Variants in C4orf50 observed in about 807,000 individuals in gnomAD.
C4orf50 encodes uncharacterized protein C4orf50.
A neutral mutation model predicts 77.2 loss-of-function variants in C4orf50; 80 were observed. The ratio of observed to expected loss-of-function variants is 1.04; its 90% confidence interval spans 0.87 to 1.25. C4orf50 has a LOEUF of 1.25. Ranked by LOEUF, C4orf50 falls within the 50% of genes most tolerant of loss-of-function variation. The pLI, the probability that C4orf50 is intolerant of heterozygous loss-of-function variation, is 0.00. For missense variants in C4orf50, 1,257 were observed against 1,152.9 expected, an observed-to-expected ratio of 1.09 and a Z score of -1.31; for synonymous variants, 532 against 465.3, an observed-to-expected ratio of 1.14 and a Z score of -1.84.
exon 32 of C4orf50, chr4:5,967,457 G>C: frequency 6.2e-7 from 1 of 1,613,812 alleles, no homozygotes; most frequent in South Asian, 1.1e-5. Context: ...CCAGGTGGTG[G>C]CTTGTCTGCA....
chr4:5,985,644 G>A (rs1434754991), intron 28 of C4orf50, among the ~76,000 whole-genome samples: 1 of 151,968 alleles, frequency 6.6e-6, no homozygotes, highest in African/African-American at 2.4e-5. Context: ...AAACAGAACA[G>A]ATGAGACAAA....
chr4:5,951,646 G>A (rs114910244), intron 7 of C4orf50, among the ~76,000 whole-genome samples: 116 of 152,196 alleles, frequency 7.6e-4, no homozygotes, highest in African/African-American at 2.7e-3. Flanking sequence ...TAAGACAGAC[G>A]GCATGAAATA....
chr4:5,971,212 C>A (rs1719888871), intron 31 of C4orf50, among the ~76,000 whole-genome samples: 1 of 152,212 alleles, frequency 6.6e-6, no homozygotes, highest in African/African-American at 2.4e-5. Context: ...CTAGCCAGAG[C>A]CCAAAGGCCC....
intron 29 of C4orf50, among the ~76,000 whole-genome samples, chr4:5,977,578 A>G (rs933366753): frequency 2.0e-5 from 3 of 150,580 alleles, no homozygotes; most frequent in Non-Finnish European, 4.4e-5. Flanking sequence ...AAGTCAAAAC[A>G]AAATTGATTT....
At position 5,973,593 on chromosome 4, in the gene C4orf50, G is replaced by C; in HGVS notation, c.4104+66C>G. ...AGGAGGGGCTGCTCCAGTCAGGCAGGGGCATGCAAGGGACGCGCCCACACT... is the reference window on the plus strand; with the variant it reads ...AGGAGGGGCTGCTCCAGTCAGGCAGCGGCATGCAAGGGACGCGCCCACACT... On this transcript the variant is annotated intron_variant, in intron 31 of 33. Coordinates refer to ENST00000531445, the Ensembl canonical transcript of C4orf50. 3 of 1,330,886 alleles carry C rather than the reference G, an allele frequency of 2.3e-6. No individual in the cohort carries two copies. The East Asian group carries it at 7.2e-5, about 32-fold the overall frequency. 82.4% of individuals were successfully genotyped at this position (1,330,886 alleles called of 1,614,324 possible).
chr4:5,936,630 C>T (rs1718031440), intron 7 of C4orf50, among the ~76,000 whole-genome samples: 2 of 118,506 alleles, frequency 1.7e-5, no homozygotes, highest in South Asian at 5.1e-4. Context: ...AGGTTATGAG[C>T]CACAGAGGAA....
intron 27 of C4orf50, among the ~76,000 whole-genome samples, chr4:5,991,225 G>A (rs1721266465): frequency 6.6e-6 from 1 of 152,096 alleles, no homozygotes; most frequent in Non-Finnish European, 1.5e-5. Context: ...GCCCTGCCCT[G>A]TCCAATCCAC....
rs73071532 is a variant in C4orf50, at chr4:6,015,285, G to A, written c.287+2860C>T. Among the ~76,000 whole-genome samples, 1,927 of 152,168 alleles carry A rather than the reference G, an allele frequency of 0.013. 47 individuals carry two copies. Among genetic ancestry groups the A allele is most frequent in the African/African-American group, 0.044 (1,820 of 41,492 alleles). On this transcript the variant is annotated intron_variant, in intron 23 of 33. Transcript: ENST00000531445. This position sits in a 1 kb window ranked among gnomAD's most constrained non-coding sequence, Gnocchi z 4.4. ...ATGAGCGTGGGCCCAGATCCAATCCGACTGGGGTCCTTGTAAGAGGAGGAG... is the reference window on the plus strand; with the variant it reads ...ATGAGCGTGGGCCCAGATCCAATCCAACTGGGGTCCTTGTAAGAGGAGGAG...
chr4:5,903,446 T>C (rs1235071467), intron 7 of C4orf50: 1 of 152,156 alleles, frequency 6.6e-6, no homozygotes, highest in African/African-American at 2.4e-5. Flanking sequence ...CATCCACACA[T>C]TGGAATATTA....
chr4:5,943,841 C>A (rs1011187593), intron 7 of C4orf50, among the ~76,000 whole-genome samples: 12 of 152,204 alleles, frequency 7.9e-5, no homozygotes, highest in African/African-American at 2.2e-4. Context: ...CGGACTTCAT[C>A]TTATTTCCTT....
chr4:5,938,663 T>C (rs1718134007), intron 7 of C4orf50, among the ~76,000 whole-genome samples: 1 of 152,212 alleles, frequency 6.6e-6, no homozygotes, highest in African/African-American at 2.4e-5. Context: ...AGATAACCTT[T>C]TTTATATTTA....
Position 6,007,988 on chromosome 4 carries a change from C to A in C4orf50, c.963+8G>T. The A allele has an allele frequency of 2.5e-6, 1 of 399,134 alleles. No homozygotes were observed. Among genetic ancestry groups the A allele is most frequent in the East Asian group, 3.6e-5 (1 of 28,064 alleles). The allele number at this position is 399,134 out of a possible 1,614,324, so 24.7% of individuals were successfully genotyped here. ...AGATCATTCCTACCCTGAGTTCCCG[C>A]CACTTACCAGGCTGCAGTGACCAAT... On this transcript the variant is annotated splice_region_variant and intron_variant, in intron 25 of 33. Transcript: ENST00000531445. This position sits in a 1 kb window ranked among gnomAD's most constrained non-coding sequence, Gnocchi z 4.1.
At chr4:5,969,906 C>T (rs565441860) in intron 31 of C4orf50, among the ~76,000 whole-genome samples, 199 of 152,160 alleles carry the variant, frequency 1.3e-3, no homozygotes, top group African/African-American at 4.5e-3. Flanking sequence ...CGGGACCTTC[C>T]ATCTGTGGAG....
chr4:5,994,467 C>T (rs1441415409), exon 26 of C4orf50: 1 of 399,276 alleles, frequency 2.5e-6, no homozygotes, highest in Non-Finnish European at 4.4e-6. Context: ...TGAACACAGC[C>T]CAGAGCATCC....
chr4:5,980,425 T>G, intron 28 of C4orf50, 87 bp from the exon 7 acceptor site: 1 of 1,217,484 alleles, frequency 8.2e-7, no homozygotes, highest in Non-Finnish European at 1.1e-6. Flanking sequence ...GTTTCCCCAC[T>G]CCGTAGTTTT....
Position 5,970,209 on chromosome 4 carries a change from G to A in C4orf50, c.4105-2747C>T, listed in dbSNP as rs1232152243. ...GGGGGCATAGAGAGGAAGCAAAACA[G>A]GCCCAGGAAGGTGCCCTGAGCCCTG... On this transcript the variant is annotated intron_variant, in intron 31 of 33. Transcript: ENST00000531445. This position sits in a 1 kb window ranked among gnomAD's most constrained non-coding sequence, Gnocchi z 4.3. Among the ~76,000 whole-genome samples the A allele has an allele frequency of 6.6e-6, 1 of 151,696 alleles. No homozygotes were observed. The highest frequency in any genetic ancestry group is 2.4e-5 in the African/African-American group (1 of 41,234).
At chr4:5,902,275 A>C (rs1305419077) in intron 7 of C4orf50, 1 of 152,196 alleles carries the variant, frequency 6.6e-6, no homozygotes, top group African/African-American at 2.4e-5. Flanking sequence ...TGTGCAGAGC[A>C]CCTTCCATTT....
chr4:5,904,996 T>C (rs1716489869), intron 7 of C4orf50: 1 of 152,226 alleles, frequency 6.6e-6, no homozygotes, highest in East Asian at 1.9e-4. Context: ...ACAAGGATCC[T>C]GACACTTGGA....
At chr4:5,914,669 G>A (rs1716957326) in intron 7 of C4orf50, among the ~76,000 whole-genome samples, 1 of 152,170 alleles carries the variant, frequency 6.6e-6, no homozygotes, top group African/African-American at 2.4e-5. Flanking sequence ...GAAGAAATGT[G>A]TGCGATGGTG....
Sources: allele counts gnomAD v4.1 joint callset (sites outside exome capture counted in the v4.1 genomes callset), GRCh38; gene constraint gnomAD v4.1.1; non-coding constraint Gnocchi (gnomAD v3.1); transcripts MANE v1.5; gene names NCBI Gene and HGNC (gene_info 2026-07-23, HGNC 2026-07-21).